DTNA: variants seen among roughly 807,000 people sequenced by gnomAD.
The protein encoded by DTNA is dystrophin-related protein 3.
A neutral mutation model predicts 100.7 loss-of-function variants in DTNA; 43 were observed. The observed-to-expected ratio is 0.43, with a 90% CI of 0.33 to 0.55. The LOEUF is 0.55. Among genes scored for constraint, DTNA ranks in the 20% least tolerant of loss-of-function variants. DTNA has a pLI of 0.04. For missense variants in DTNA, 798 were observed against 953.9 expected (o/e 0.84, Z 2.15); for synonymous variants, 349 against 347.9 (o/e 1.00, Z -0.04).
intron 1 of DTNA, among the ~76,000 whole-genome samples, chr18:34,712,596 T>C (rs542181146): frequency 6.6e-6 from 1 of 152,306 alleles, no homozygotes; most frequent in Non-Finnish European, 1.5e-5. Context: ...GATTCTTTTA[T>C]AGTTGTTTTG....
chr18:34,773,509 AC>A, intron 3 of DTNA, among the ~76,000 whole-genome samples: 1 of 152,302 alleles, frequency 6.6e-6, no homozygotes, highest in East Asian at 1.9e-4. Flanking sequence ...CAGATGACTA[AC>A]CCTTGGAGCA....
At chr18:34,843,708 AGGGTATTC>A (rs2096317313) in intron 13 of DTNA, among the ~76,000 whole-genome samples, 1 of 152,114 alleles carries the variant, frequency 6.6e-6, no homozygotes, top group Non-Finnish European at 1.5e-5. Context: ...TAAGGTACTG[AGGGTATTC>A]ATATGCTTTA....
At chr18:34,553,406 G>A (rs1360650892) in intron 1 of DTNA, among the ~76,000 whole-genome samples, 2 of 150,266 alleles carry the variant, frequency 1.3e-5, no homozygotes, top group African/African-American at 4.9e-5. Context: ...TGTCAATTTT[G>A]TCTTTTGTTG....
chr18:34,617,148 C>T (rs559136589), intron 1 of DTNA, among the ~76,000 whole-genome samples: 129 of 152,160 alleles, frequency 8.5e-4, no homozygotes, highest in African/African-American at 3.0e-3. Flanking sequence ...CTGGGATTTC[C>T]AGTACTATGC....
intron 1 of DTNA, among the ~76,000 whole-genome samples, chr18:34,693,746 C>CTGTGTGTGTGTG (rs34072179): frequency 1.7e-3 from 242 of 143,184 alleles, no homozygotes; most frequent in African/African-American, 5.8e-3. Flanking sequence ...CTTGTGTGCA[C>CTGTGTGTGTGTG]TGTGTGTGTG....
At chr18:34,504,925 C>T (rs1043044467) in intron 1 of DTNA, among the ~76,000 whole-genome samples, 2 of 152,122 alleles carry the variant, frequency 1.3e-5, no homozygotes, top group Non-Finnish European at 2.9e-5. Flanking sequence ...TTTTCAGCCT[C>T]GCCCAATTTT....
chr18:34,807,385 A>C (rs2095387541), intron 5 of DTNA, among the ~76,000 whole-genome samples: 1 of 152,048 alleles, frequency 6.6e-6, no homozygotes, highest in Non-Finnish European at 1.5e-5. Context: ...CTGTATCCTA[A>C]ATTTTGGGAT....
chr18:34,599,970 G>C lies in DTNA; in HGVS notation c.-2+106456G>C, dbSNP rs576500617. ...TGGGATTACAGGTGTGAGCCACCGT[G>C]TCCAGCCAACAAATTTCTTTATGTA... On this transcript the variant is annotated intron_variant, in intron 1 of 19. Coordinates refer to the DTNA transcript ENST00000283365. Among the ~76,000 whole-genome samples the C allele has an allele frequency of 1.3e-4, 20 of 152,254 alleles. No individual in the cohort carries two copies. In the Middle Eastern group the frequency reaches 0.02, roughly 155 times the overall value.
At chr18:34,556,515 T>A (rs1321162552) in intron 1 of DTNA, among the ~76,000 whole-genome samples, 2 of 152,116 alleles carry the variant, frequency 1.3e-5, no homozygotes, top group Admixed American at 6.5e-5. Context: ...GTACCGGTTG[T>A]TCCTTTCCAT....
chr18:34,750,687 T>C (rs547517705), intron 1 of DTNA, among the ~76,000 whole-genome samples: 5 of 152,220 alleles, frequency 3.3e-5, no homozygotes, highest in Non-Finnish European at 7.3e-5. Flanking sequence ...GTAATATCTT[T>C]TTGACTTCCT....
At chr18:34,557,080 T>C (rs1028082549) in intron 1 of DTNA, among the ~76,000 whole-genome samples, 1 of 151,168 alleles carries the variant, frequency 6.6e-6, no homozygotes, top group African/African-American at 2.5e-5. Context: ...CTTATTCTTT[T>C]TTCTCTAAAC....
In DTNA at chr18:34,768,503, C is replaced by T. The variant is rs141671944; in HGVS notation, c.148+2462C>T. On this transcript the variant is annotated intron_variant, in intron 3 of 22. Coordinates refer to ENST00000444659, the MANE Select transcript of DTNA (RefSeq NM_001386795.1). The stretch of plus-strand genomic sequence containing the variant: ...CAGCTGTGGTCCACAGGCCTTATCC[C>T]ATGCCTCCTGCTCTCTGAGAAAGGC... 6.6e-5 allele frequency among the ~76,000 whole-genome samples: 10 copies of T among 152,266 alleles called. No individual in the cohort carries two copies. The East Asian group carries it at 1.7e-3, about 26-fold the overall frequency.
rs535663792 is a variant in DTNA, at chr18:34,557,120, A to G, written c.-2+63606A>G. 3.3e-3 allele frequency among the ~76,000 whole-genome samples: 493 copies of G among 150,034 alleles called. 6 individuals are homozygous for G. The highest frequency in any genetic ancestry group is 0.011 in the African/African-American group (458 of 40,220). On this transcript the variant is annotated intron_variant, in intron 1 of 19. Coordinates refer to the DTNA transcript ENST00000283365. ...CTTCTCGCTTCATTTCATTCATTTC[A>G]TCTTCCATTGCTGATACCCTTTCTT...
intron 1 of DTNA, among the ~76,000 whole-genome samples, chr18:34,608,399 A>G (rs1453119014): frequency 6.6e-6 from 1 of 152,190 alleles, no homozygotes; most frequent in Non-Finnish European, 1.5e-5. Flanking sequence ...AAATAATCCT[A>G]TTAGGTCAAT....
intron 15 of DTNA, among the ~76,000 whole-genome samples, chr18:34,854,021 A>G: frequency 6.6e-6 from 1 of 152,202 alleles, no homozygotes; most frequent in East Asian, 1.9e-4. Context: ...ACAGGCAGGC[A>G]TTGGAGAAAG....
At chr18:34,569,878 TACACACATACACAC>T (rs1352344768) in intron 1 of DTNA, among the ~76,000 whole-genome samples, 1 of 146,812 alleles carries the variant, frequency 6.8e-6, no homozygotes, top group Non-Finnish European at 1.5e-5. Context: ...TTCATACACA[TACACACATACACAC>T]ACACACACAC....
At chr18:34,542,854 AT>A (rs1325309918) in intron 1 of DTNA, among the ~76,000 whole-genome samples, 1 of 151,390 alleles carries the variant, frequency 6.6e-6, no homozygotes, top group African/African-American at 2.4e-5. Flanking sequence ...AAGAATTGCT[AT>A]TTTCACACTT....
At chr18:34,757,171 G>A (rs991532196) in intron 2 of DTNA, 2 of 152,192 alleles carry the variant, frequency 1.3e-5, no homozygotes, top group African/African-American at 2.4e-5. Flanking sequence ...TGTGCTTAGA[G>A]TGTTTGGGAG....
intron 3 of DTNA, among the ~76,000 whole-genome samples, chr18:34,776,829 C>T (rs1373985077): frequency 1.3e-5 from 2 of 152,160 alleles, no homozygotes; most frequent in Non-Finnish European, 2.9e-5. Context: ...GCCCTCATCT[C>T]CTCCCACTCT....
Sources: gnomAD v4.1 joint callset for allele counts (sites outside exome capture counted in the v4.1 genomes callset) on GRCh38, gnomAD v4.1.1 for gene constraint, MANE v1.5 for transcripts, NCBI Gene and HGNC (gene_info 2026-07-23, HGNC 2026-07-21) for gene names.